The following TENM3 variants were observed in gnomAD, a reference collection of about 807,000 sequenced individuals.
The protein encoded by TENM3 is teneurin-3.
TENM3 carries 63 observed loss-of-function variants against 255.1 expected under a neutral mutation model. The observed-to-expected ratio is 0.25, with a 90% CI of 0.20 to 0.30. The LOEUF (loss-of-function observed/expected upper bound fraction) is 0.30. Among genes scored for constraint, TENM3 ranks in the 10% least tolerant of loss-of-function variants. The pLI is 1.00. For missense variants in TENM3, 2,929 were observed against 3,461.1 expected (o/e 0.85, Z 3.86); for synonymous variants, 1,306 against 1,322.3 (o/e 0.99, Z 0.27).
intron 3 of TENM3, among the ~76,000 whole-genome samples, chr4:182,564,354 A>C (rs372141901): frequency 3.3e-5 from 5 of 151,680 alleles, no homozygotes; most frequent in East Asian, 1.9e-4. Context: ...AGGTCTCACT[A>C]TGTTGCCCAC....
chr4:181,879,283 G>A, the TENM3 span, among the ~76,000 whole-genome samples: 3 of 152,022 alleles, frequency 2.0e-5, no homozygotes, highest in South Asian at 2.1e-4. Context: ...AGAAAGTTGG[G>A]GGAGGGAGAG....
the TENM3 span, among the ~76,000 whole-genome samples, chr4:182,137,072 G>A: frequency 6.6e-6 from 1 of 152,102 alleles, no homozygotes; most frequent in South Asian, 2.1e-4. Context: ...GTTTTTATTG[G>A]GGTTCATGGA....
At chr4:182,513,272 C>G (rs1737596306) in intron 3 of TENM3, among the ~76,000 whole-genome samples, 1 of 151,984 alleles carries the variant, frequency 6.6e-6, no homozygotes, top group South Asian at 2.1e-4. Flanking sequence ...TACTAGAAAA[C>G]TATCAGAAGC....
chr4:182,314,689 A>G (rs1354800899), intron 1 of TENM3, among the ~76,000 whole-genome samples: 1 of 152,228 alleles, frequency 6.6e-6, no homozygotes, highest in African/African-American at 2.4e-5. Context: ...TGGAAATAGC[A>G]TCTAATTGGA....
chr4:181,693,044 C>T, the TENM3 span, among the ~76,000 whole-genome samples: 1 of 152,132 alleles, frequency 6.6e-6, no homozygotes, highest in African/African-American at 2.4e-5. Context: ...GTCAAAGAGT[C>T]AGGCTGTGCT....
chr4:181,868,387 G>A, the TENM3 span, among the ~76,000 whole-genome samples: 30 of 152,112 alleles, frequency 2.0e-4, no homozygotes, highest in African/African-American at 5.1e-4. Context: ...TAAAAAAGAC[G>A]AAATTGAGAA....
rs115159421 is a variant in TENM3 at position 182,755,394 on chromosome 4, C to T, written c.4892+135C>T. ...TAGAGCTTCTGTAATTTTTGGATCC[C>T]GGCTGGGCACGGTGGCTCATTCCCG... On this transcript the variant is annotated intron_variant, in intron 22 of 27. Transcript: ENST00000511685. 1,311 of 855,208 alleles carry T rather than the reference C, an allele frequency of 1.5e-3. 13 individuals are homozygous for T. The African/African-American group carries it at 0.021, about 13-fold the overall frequency. 53.0% of individuals were successfully genotyped at this position (855,208 alleles called of 1,614,324 possible).
At chr4:182,610,202 T>C (rs1406830896) in intron 4 of TENM3, among the ~76,000 whole-genome samples, 1 of 152,200 alleles carries the variant, frequency 6.6e-6, no homozygotes, top group Non-Finnish European at 1.5e-5. Flanking sequence ...AGAAATTCTC[T>C]GAGATAGTGG....
At chr4:181,454,374 A>G in the TENM3 span, among the ~76,000 whole-genome samples, 1 of 152,174 alleles carries the variant, frequency 6.6e-6, no homozygotes, top group Non-Finnish European at 1.5e-5. Flanking sequence ...GAACTGAAAA[A>G]TTCCTATTGC....
the TENM3 span, among the ~76,000 whole-genome samples, chr4:181,656,155 C>T: frequency 6.6e-6 from 1 of 152,178 alleles, no homozygotes; most frequent in Non-Finnish European, 1.5e-5. Flanking sequence ...CACATCACTT[C>T]TTCTGTCACC....
At chr4:182,592,550 C>T (rs1014598469) in intron 3 of TENM3, among the ~76,000 whole-genome samples, 10 of 152,126 alleles carry the variant, frequency 6.6e-5, no homozygotes, top group Admixed American at 5.9e-4. Flanking sequence ...ATGGTGAAAC[C>T]CCGTTTCTAC....
At chr4:182,067,232 G>A in the TENM3 span, among the ~76,000 whole-genome samples, 1 of 152,132 alleles carries the variant, frequency 6.6e-6, no homozygotes, top group Non-Finnish European at 1.5e-5. Flanking sequence ...TCATTGTTGA[G>A]TGATGCTGAA....
chr4:181,765,833 A>C, the TENM3 span, among the ~76,000 whole-genome samples: 1 of 152,334 alleles, frequency 6.6e-6, no homozygotes, highest in Non-Finnish European at 1.5e-5. Flanking sequence ...CAATCCTGTT[A>C]TTATTTGCCA....
the TENM3 span, among the ~76,000 whole-genome samples, chr4:181,517,937 C>T: frequency 1.3e-5 from 2 of 152,154 alleles, no homozygotes; most frequent in African/African-American, 4.8e-5. Flanking sequence ...CTCAGGTTCA[C>T]TCATTCAAAG....
the TENM3 span, among the ~76,000 whole-genome samples, chr4:181,564,337 T>C: frequency 6.6e-6 from 1 of 152,196 alleles, no homozygotes; most frequent in African/African-American, 2.4e-5. Flanking sequence ...GACTAACTTA[T>C]GAAGCGGGCA....
chr4:182,680,310 C>T lies in TENM3; in HGVS notation c.1600C>T (p.His534Tyr). Residue 534 changes from histidine to tyrosine, a missense_variant, in exon 9 of 28, where the codon CAT becomes TAT. Coordinates refer to ENST00000511685, the MANE Select transcript of TENM3 (RefSeq NM_001080477.4). Reference protein sequence around the residue: ...GNGECVSGTCHCFPGFLGPDC... With the variant: ...GNGECVSGTCYCFPGFLGPDC... ...TGGAGAATGCGTTTCTGGAACTTGC[C>T]ATTGTTTTCCAGGATTTCTGGGTCC... 1.2e-6 allele frequency: 2 copies of T among 1,613,590 alleles called. No homozygotes were observed. Among genetic ancestry groups the T allele is most frequent in the Non-Finnish European group, 1.7e-6 (2 of 1,179,708 alleles).
the TENM3 span, among the ~76,000 whole-genome samples, chr4:181,618,683 A>T: frequency 6.6e-6 from 1 of 152,224 alleles, no homozygotes; most frequent in South Asian, 2.1e-4. Context: ...GGATTTCCTC[A>T]TCTGGAGCGT....
the TENM3 span, among the ~76,000 whole-genome samples, chr4:181,897,941 A>C: frequency 6.6e-6 from 1 of 152,176 alleles, no homozygotes; most frequent in Non-Finnish European, 1.5e-5. Flanking sequence ...TCACTCATTA[A>C]ATATCAAAAT....
the TENM3 span, among the ~76,000 whole-genome samples, chr4:181,688,903 C>A: frequency 1.3e-5 from 2 of 152,164 alleles, no homozygotes; most frequent in African/African-American, 4.8e-5. Flanking sequence ...TTCACGGGAC[C>A]CCATTCATCC....
Sources: gnomAD v4.1 joint callset for allele counts (sites outside exome capture counted in the v4.1 genomes callset) on GRCh38, gnomAD v4.1.1 for gene constraint, MANE v1.5 for transcripts, NCBI Gene and HGNC (gene_info 2026-07-23, HGNC 2026-07-21) for gene names.